ERCC4: variants seen among roughly 807,000 people sequenced by gnomAD.
The protein encoded by ERCC4 is ERCC excision repair 4, endonuclease catalytic subunit.
A neutral mutation model predicts 76.9 loss-of-function variants in ERCC4; 65 were observed. That is an observed-to-expected ratio of 0.84 (90% confidence interval 0.69 to 1.04). The LOEUF (loss-of-function observed/expected upper bound fraction) is 1.04, where lower values mean the gene tolerates loss of function less well. ERCC4 is among the 50% of genes least tolerant of loss of function. The pLI, the probability that ERCC4 is intolerant of heterozygous loss-of-function variation, is 0.00. For missense variants in ERCC4, 1,214 were observed against 1,128.2 expected, an observed-to-expected ratio of 1.08 and a Z score of -1.09; for synonymous variants, 463 against 410.1, an observed-to-expected ratio of 1.13 and a Z score of -1.56.
At chr16:13,937,735 T>C (rs753636603) in intron 8 of ERCC4, 31 bp from the exon 9 acceptor site, 61 of 1,442,474 alleles carry the variant, frequency 4.2e-5, no homozygotes, top group Non-Finnish European at 5.2e-5. Flanking sequence ...ATGCTGTTTT[T>C]CCAACCTAAA....
At chr16:13,926,434 T>A (rs1156282515) in intron 2 of ERCC4, 127 bp from the exon 3 acceptor site, 1 of 791,530 alleles carries the variant, frequency 1.3e-6, no homozygotes, top group Non-Finnish European at 2.3e-6. Flanking sequence ...CTCTGTTCTG[T>A]GCGTGGCTAT....
rs1261870926 is a variant in ERCC4, at chr16:13,926,568, G to T, written c.396G>T (p.Leu132Phe). 23 of 1,613,558 alleles carry T rather than the reference G, an allele frequency of 1.4e-5. No homozygotes were observed. The highest frequency in any genetic ancestry group is 1.9e-5 in the Non-Finnish European group (22 of 1,179,662). Residue 132 changes from leucine (L) to phenylalanine (F), a missense_variant, in exon 3 of 11, where the codon TTG (leucine) becomes TTT (phenylalanine). Transcript: ENST00000311895. Reference protein sequence around the residue: ...RIPSDLITGILVYRAHRIIES... With the variant: ...RIPSDLITGIFVYRAHRIIES... ...TATGTTTCTCCCCCTCAGGCATCTTGGTGTATAGAGCCCACAGAATAATCG... is the reference window on the plus strand; with the variant it reads ...TATGTTTCTCCCCCTCAGGCATCTTTGTGTATAGAGCCCACAGAATAATCG...
At position 13,920,165 on chromosome 16, in the gene ERCC4, C is replaced by G; in HGVS notation, c.-1C>G. On this transcript the variant is annotated 5_prime_UTR_variant, in exon 1 of 11. Coordinates refer to ENST00000311895, the MANE Select transcript of ERCC4 (RefSeq NM_005236.3). ...TTCGGCTGCGACCCGGAAGAGCTTC[C>G]ATGGAGTCAGGGCAGCCGGCTCGAC... The G allele has an allele frequency of 1.2e-6, 2 of 1,604,770 alleles. No individual in the cohort carries two copies. The highest frequency in any genetic ancestry group is 1.7e-6 in the Non-Finnish European group (2 of 1,179,776).
intron 3 of ERCC4, 24 bp from the exon 4 acceptor site, chr16:13,928,004 G>T (rs1212242188): frequency 2.9e-5 from 46 of 1,576,756 alleles, no homozygotes; most frequent in Non-Finnish European, 3.9e-5. Context: ...CTAGAAAATT[G>T]TTGAAAAATA....
intron 9 of ERCC4, among the ~76,000 whole-genome samples, chr16:13,943,711 G>A (rs112220394): frequency 2.0e-5 from 3 of 151,604 alleles, no homozygotes; most frequent in Non-Finnish European, 1.5e-5. Flanking sequence ...CTGTTTTATC[G>A]CAGTTCCTCA....
chr16:13,951,744 G>A lies in ERCC4; in HGVS notation c.*3397G>A. On this transcript the variant is annotated 3_prime_UTR_variant, in exon 11 of 11. Transcript: ENST00000311895. ...ACACTAAAGCAAATCCGAAGAAGTG[G>A]GGCAGGGGGAAAGAGGCATTACTGG... 1 of 222,028 alleles carries A rather than the reference G, an allele frequency of 4.5e-6. No homozygotes were observed. The highest frequency in any genetic ancestry group is 9.0e-6 in the Non-Finnish European group (1 of 111,036). 13.8% of individuals were successfully genotyped at this position (222,028 alleles called of 1,614,324 possible).
At chr16:13,946,006 G>A (rs189475889) in intron 10 of ERCC4, among the ~76,000 whole-genome samples, 2 of 152,240 alleles carry the variant, frequency 1.3e-5, no homozygotes, top group African/African-American at 4.8e-5. Flanking sequence ...TCAAGATATC[G>A]GCATGGCTGC....
chr16:13,933,059 A>G (rs1476777842), intron 6 of ERCC4: 2 of 412,890 alleles, frequency 4.8e-6, no homozygotes, highest in Non-Finnish European at 9.6e-6. Flanking sequence ...AAAAAAAAAA[A>G]AAAAAAAACA....
chr16:13,939,728 C>T (rs565040678), intron 9 of ERCC4, among the ~76,000 whole-genome samples: 53 of 152,156 alleles, frequency 3.5e-4, no homozygotes, highest in Admixed American at 9.2e-4. Context: ...AGGGTGGAAA[C>T]CAGTCAGAAT....
rs1484605532 is a variant in ERCC4 at position 13,949,053 on chromosome 16, C to T, written c.*706C>T. On this transcript the variant is annotated 3_prime_UTR_variant, in exon 11 of 11. Coordinates refer to ENST00000311895, the MANE Select transcript of ERCC4 (RefSeq NM_005236.3). The stretch of plus-strand genomic sequence containing the variant: ...TCCTACTACTAATTCAAGACAGTCT[C>T]CTCAAAAACTGGTTGACTAGTCTTC... 4.3e-6 allele frequency: 1 copy of T among 233,018 alleles called. No individual in the cohort carries two copies. Among genetic ancestry groups the T allele is most frequent in the African/African-American group, 2.2e-5 (1 of 45,436 alleles). The allele number at this position is 233,018 out of a possible 1,614,324, so 14.4% of individuals were successfully genotyped here.
rs572852406 is a variant in ERCC4, at chr16:13,949,565, G to A, written c.*1218G>A. On this transcript the variant is annotated 3_prime_UTR_variant, in exon 11 of 11. Transcript: ENST00000311895. ...TTAAGATTTGATTTTCCTGCCTTGAGATAAAAAGGAGTGTAGGTAAATGAA... is the reference window on the plus strand; with the variant it reads ...TTAAGATTTGATTTTCCTGCCTTGAAATAAAAAGGAGTGTAGGTAAATGAA... 4.3e-6 allele frequency: 1 copy of A among 232,792 alleles called. No homozygotes were observed. Among genetic ancestry groups the A allele is most frequent in the South Asian group, 1.8e-4 (1 of 5,518 alleles). 14.4% of individuals were successfully genotyped at this position (232,792 alleles called of 1,614,324 possible).
intron 1 of ERCC4, 77 bp from the exon 2 acceptor site, chr16:13,921,954 A>G (rs2031984685): frequency 1.1e-6 from 1 of 878,448 alleles, no homozygotes. Context: ...AAGACAGCAC[A>G]TTATTTTAAA....
chr16:13,948,860 G>A lies in ERCC4; in HGVS notation c.*513G>A, dbSNP rs371345833. ...TTGCTGTTGTGTCTGCTGGACGCTT[G>A]AACTGATGTTTGTGTAGGAAATCAT... On this transcript the variant is annotated 3_prime_UTR_variant, in exon 11 of 11. Coordinates refer to ENST00000311895, the MANE Select transcript of ERCC4 (RefSeq NM_005236.3). The A allele has an allele frequency of 4.3e-6, 1 of 232,650 alleles. No individual in the cohort carries two copies. The highest frequency in any genetic ancestry group is 6.1e-5 in the East Asian group (1 of 16,436). 14.4% of individuals were successfully genotyped at this position (232,650 alleles called of 1,614,324 possible).
At chr16:13,941,284 C>T (rs1282691085) in intron 9 of ERCC4, among the ~76,000 whole-genome samples, 5 of 152,168 alleles carry the variant, frequency 3.3e-5, no homozygotes, top group Admixed American at 2.0e-4. Flanking sequence ...TGATTGTCTA[C>T]TTGTCATAAA....
Position 13,948,142 on chromosome 16 carries a change from A to T in ERCC4, c.2546A>T (p.Gln849Leu), listed in dbSNP as rs750999717. The stretch of plus-strand genomic sequence containing the variant: ...TCAGAGAAGTATAATCCTGGTCCCC[A>T]AGACTTCTTGTTAAAAATGCCAGGG... ...PESEKYNPGP[Q>L]DFLLKMPGVN... is the part of the protein sequence containing the mutation. The change falls in exon 11 of 11, where the codon CAA becomes CTA. Residue 849 changes from glutamine (Q) to leucine (L), a missense_variant. By Grantham distance (113) the Gln-to-Leu change is moderately radical. Transcript: ENST00000311895. 57 of 1,614,072 alleles carry T rather than the reference A, an allele frequency of 3.5e-5. No homozygotes were observed. Among genetic ancestry groups the T allele is most frequent in the Non-Finnish European group, 4.6e-5 (54 of 1,180,056 alleles).
intron 9 of ERCC4, among the ~76,000 whole-genome samples, chr16:13,940,476 G>A (rs1412956865): frequency 2.0e-5 from 3 of 152,200 alleles, no homozygotes; most frequent in East Asian, 1.9e-4. Context: ...AAGCTTCCAG[G>A]TGTCCTCTCC....
chr16:13,944,001 T>C (rs1324178270), intron 9 of ERCC4: 3 of 152,458 alleles, frequency 2.0e-5, no homozygotes, highest in African/African-American at 7.2e-5. Flanking sequence ...TGAGCCACCT[T>C]GAAGACAGGA....
intron 3 of ERCC4, 146 bp downstream of exon 3, chr16:13,926,902 A>C: frequency 1.5e-6 from 1 of 676,926 alleles, no homozygotes; most frequent in Non-Finnish European, 2.6e-6. Context: ...TTTTATAACA[A>C]ACACATCCAG....
intron 4 of ERCC4, among the ~76,000 whole-genome samples, chr16:13,930,470 A>T (rs967461695): frequency 6.6e-6 from 1 of 152,186 alleles, no homozygotes; most frequent in Admixed American, 6.5e-5. Flanking sequence ...GCAGTAAGAC[A>T]TTCTTCTATA....
Sources: allele counts gnomAD v4.1 joint callset (sites outside exome capture counted in the v4.1 genomes callset), GRCh38; gene constraint gnomAD v4.1.1; transcripts MANE v1.5; gene names NCBI Gene and HGNC (gene_info 2026-07-23, HGNC 2026-07-21).